Variants in GPATCH8 observed in about 807,000 individuals in gnomAD.
The protein encoded by GPATCH8 is G-patch domain containing 8.
A neutral mutation model predicts 118.3 loss-of-function variants in GPATCH8; 18 were observed. The observed-to-expected ratio is 0.15, with a 90% confidence interval of 0.11 to 0.23. The LOEUF is 0.23. Among genes scored for constraint, GPATCH8 ranks in the 10% least tolerant of loss-of-function variants. The probability of loss-of-function intolerance (pLI) is 1.00; values close to 1 mark genes in which losing one functional copy is unlikely to be tolerated. For synonymous variants in GPATCH8, 659 were observed against 684.7 expected, an observed-to-expected ratio of 0.96 and a Z score of 0.59; for missense variants, 1,631 against 1,873.8, an observed-to-expected ratio of 0.87 and a Z score of 2.39.
intron 1 of GPATCH8, among the ~76,000 whole-genome samples, chr17:44,490,331 A>C (rs1320552638): frequency 6.6e-6 from 1 of 152,076 alleles, no homozygotes. Flanking sequence ...AAAAGAAAAA[A>C]CAAAAGATGC....
rs2048750624 is a variant in GPATCH8 at position 44,395,589 on chromosome 17, A to G, written c.*1979T>C. On this transcript the variant is annotated 3_prime_UTR_variant, in exon 8 of 8. Coordinates refer to ENST00000591680, the MANE Select transcript of GPATCH8 (RefSeq NM_001002909.4). ...TCCCTTCACTTACACAGATGATTTCATTTTTCCAGTGCTAGTTATCCAAGA... is the reference window on the plus strand; with the variant it reads ...TCCCTTCACTTACACAGATGATTTCGTTTTTCCAGTGCTAGTTATCCAAGA... 1 of 454,298 alleles carries G rather than the reference A, an allele frequency of 2.2e-6. No homozygotes were observed. Among genetic ancestry groups the G allele is most frequent in the African/African-American group, 2.0e-5 (1 of 50,116 alleles). 28.1% of individuals were successfully genotyped at this position (454,298 alleles called of 1,614,324 possible). A position where few individuals can be genotyped will look rare whatever the true frequency, so the allele number is the denominator to read the frequency against.
intron 2 of GPATCH8, among the ~76,000 whole-genome samples, chr17:44,471,872 TAAA>T (rs34968232): frequency 6.2e-5 from 8 of 128,496 alleles, no homozygotes; most frequent in African/African-American, 8.6e-5. Flanking sequence ...CCAAAAAAAG[TAAA>T]AAAAAAAAAA....
intron 3 of GPATCH8, among the ~76,000 whole-genome samples, chr17:44,448,793 A>C (rs2051003342): frequency 6.6e-6 from 1 of 152,008 alleles, no homozygotes; most frequent in African/African-American, 2.4e-5. Context: ...AAAAAAATAA[A>C]CAGCACTATA....
At chr17:44,460,604 A>T (rs2051507522) in intron 3 of GPATCH8, among the ~76,000 whole-genome samples, 1 of 152,180 alleles carries the variant, frequency 6.6e-6, no homozygotes, top group Non-Finnish European at 1.5e-5. Flanking sequence ...TAAAGCTTTG[A>T]CAAAAAAGCC....
At chr17:44,424,590 G>A in intron 5 of GPATCH8, 98 bp from the exon 6 acceptor site, 1 of 898,370 alleles carries the variant, frequency 1.1e-6, no homozygotes, top group South Asian at 1.4e-5. Flanking sequence ...AGACAAAAAA[G>A]GGCTTTTCAT....
chr17:44,489,302 T>C (rs1969042843), intron 1 of GPATCH8, among the ~76,000 whole-genome samples: 1 of 151,620 alleles, frequency 6.6e-6, no homozygotes, highest in Non-Finnish European at 1.5e-5. Flanking sequence ...GTTAACTAAG[T>C]GGTTTTCTTT....
intron 1 of GPATCH8, among the ~76,000 whole-genome samples, chr17:44,475,511 G>A (rs1173170523): frequency 1.3e-5 from 2 of 150,210 alleles, no homozygotes; most frequent in East Asian, 2.0e-4. Flanking sequence ...ATCCTGACAC[G>A]GTGAAACCCC....
intron 1 of GPATCH8, among the ~76,000 whole-genome samples, chr17:44,482,011 C>T (rs1160327916): frequency 6.6e-6 from 1 of 151,922 alleles, no homozygotes; most frequent in Non-Finnish European, 1.5e-5. Context: ...TATCCAGGTC[C>T]TCAGGAAGCT....
intron 2 of GPATCH8, among the ~76,000 whole-genome samples, chr17:44,473,069 A>G (rs1418699610): frequency 2.6e-5 from 4 of 151,930 alleles, no homozygotes. Context: ...TAGCCTACAG[A>G]TTTCATTACA....
intron 6 of GPATCH8, among the ~76,000 whole-genome samples, chr17:44,418,318 C>CATA (rs1183722340): frequency 6.6e-6 from 1 of 152,068 alleles, no homozygotes; most frequent in Non-Finnish European, 1.5e-5. Context: ...ACTGTCATAT[C>CATA]CATCAGCAGA....
At chr17:44,495,307 C>T (rs751420685) in intron 1 of GPATCH8, among the ~76,000 whole-genome samples, 2 of 152,082 alleles carry the variant, frequency 1.3e-5, no homozygotes, top group African/African-American at 2.4e-5. Context: ...GCATTCTAGC[C>T]TGGGCAACAG....
At chr17:44,482,637 C>T (rs1164340696) in intron 1 of GPATCH8, among the ~76,000 whole-genome samples, 1 of 150,486 alleles carries the variant, frequency 6.6e-6, no homozygotes, top group African/African-American at 2.4e-5. Flanking sequence ...AGCAAACCAC[C>T]ATGGTACATG....
chr17:44,452,930 CG>C (rs1302665852), intron 3 of GPATCH8, among the ~76,000 whole-genome samples: 2 of 151,920 alleles, frequency 1.3e-5, no homozygotes, highest in Admixed American at 1.3e-4. Flanking sequence ...TGGGCTCATG[CG>C]ATTCTCCCAC....
Position 44,436,334 on chromosome 17 carries a change from A to T in GPATCH8, c.261+144T>A. The T allele has an allele frequency of 4.4e-6, 3 of 674,458 alleles. No individual in the cohort carries two copies. The African/African-American group carries it at 5.4e-5, about 12-fold the overall frequency. The allele number at this position is 674,458 out of a possible 1,614,324, so 41.8% of individuals were successfully genotyped here. A position where few individuals can be genotyped will look rare whatever the true frequency, so the allele number is the denominator to read the frequency against. On this transcript the variant is annotated intron_variant, in intron 4 of 7. Transcript: ENST00000591680. ...CAAAAGTAGCACTAAATGAAAATGT[A>T]AAATATATTTTTTAGTCATCCAAAG...
At chr17:44,485,581 C>A (rs796879502) in intron 1 of GPATCH8, among the ~76,000 whole-genome samples, 1 of 152,126 alleles carries the variant, frequency 6.6e-6, no homozygotes, top group African/African-American at 2.4e-5. Flanking sequence ...TGTGAGCCAT[C>A]CCGCCCAGCC....
intron 3 of GPATCH8, among the ~76,000 whole-genome samples, chr17:44,443,042 C>T (rs1020327178): frequency 5.3e-5 from 8 of 152,164 alleles, no homozygotes; most frequent in Admixed American, 6.5e-5. Context: ...CGCACCACTG[C>T]ACTCCAGCCT....
In GPATCH8 at chr17:44,399,131, C is replaced by A; in HGVS notation, c.2946G>T (p.Trp982Cys). 2 of 1,610,240 alleles carry A rather than the reference C, an allele frequency of 1.2e-6. No individual in the cohort carries two copies. Among genetic ancestry groups the A allele is most frequent in the Non-Finnish European group, 8.5e-7 (1 of 1,177,032 alleles). Residue 982 changes from tryptophan (W) to cysteine (C), a missense_variant, in exon 8 of 8, where the codon TGG (tryptophan) becomes TGT (cysteine). Physicochemically the swap from Trp to Cys is radical, Grantham distance 215. Around this residue, in one of 8 missense-constraint regions of GPATCH8, gnomAD observed 922 missense variants for 879.7 expected, o/e 1.05. Coordinates refer to ENST00000591680, the MANE Select transcript of GPATCH8 (RefSeq NM_001002909.4). Reference sequence around the variant, plus strand: ...CCCGGCTATAGCTCCGGCTCCGTTGCCAGCTGTGGGCTGTGGTGCTACGGC... The same window carrying A: ...CCCGGCTATAGCTCCGGCTCCGTTGACAGCTGTGGGCTGTGGTGCTACGGC... ...RRSRSTTAHS[W>C]QRSRSYSRDR... is the part of the protein sequence containing the mutation.
intron 4 of GPATCH8, among the ~76,000 whole-genome samples, chr17:44,435,892 T>C (rs1366881774): frequency 6.7e-6 from 1 of 150,158 alleles, no homozygotes; most frequent in African/African-American, 2.4e-5. Flanking sequence ...CATGGTGTCA[T>C]GCGCCTGTAA....
rs530753571 is a variant in GPATCH8 at position 44,402,027 on chromosome 17, A to T, written c.624-574T>A. Among the ~76,000 whole-genome samples the T allele has an allele frequency of 3.7e-3, 557 of 149,746 alleles. 3 individuals carry two copies. Among genetic ancestry groups the T allele is most frequent in the Admixed American group, 7.8e-3 (117 of 15,070 alleles). ...TCAAAAAAATTAAAAAAAAAAATAA[A>T]AAATAAAGTACAGGCCGGGCGCAGT... is the stretch of plus-strand genomic sequence containing the variant. On this transcript the variant is annotated intron_variant, in intron 7 of 7. Coordinates refer to ENST00000591680, the MANE Select transcript of GPATCH8 (RefSeq NM_001002909.4).
Sources: allele counts gnomAD v4.1 joint callset (sites outside exome capture counted in the v4.1 genomes callset), GRCh38; gene constraint gnomAD v4.1.1; regional missense constraint gnomAD v4.1.1; transcripts MANE v1.5; gene names NCBI Gene and HGNC (gene_info 2026-07-23, HGNC 2026-07-21).